The following FANCI variants were observed in gnomAD, a reference collection of about 807,000 sequenced individuals.
FANCI encodes the protein FA complementation group I, also known as Fanconi anemia group I protein.
Under a neutral mutation model 176.1 loss-of-function variants are expected in FANCI, and 156 were observed. That is an observed-to-expected ratio of 0.89 (90% CI 0.78 to 1.01). The LOEUF is 1.01. Among genes scored for constraint, FANCI ranks in the 50% least tolerant of loss-of-function variants. The pLI is 0.00. For missense variants in FANCI, 1,678 were observed against 1,534.1 expected, an observed-to-expected ratio of 1.09 and a Z score of -1.57; for synonymous variants, 613 against 541.7, an observed-to-expected ratio of 1.13 and a Z score of -1.83.
intron 20 of FANCI, among the ~76,000 whole-genome samples, chr15:89,292,152 C>G (rs1043080260): frequency 1.3e-5 from 2 of 152,162 alleles, no homozygotes; most frequent in African/African-American, 4.8e-5. Context: ...CTGTTCTTAT[C>G]TAGCCTCAGA....
At chr15:89,282,345 A>G (rs1452197354) in intron 16 of FANCI, 1 of 167,994 alleles carries the variant, frequency 6.0e-6, no homozygotes, top group African/African-American at 2.4e-5. Flanking sequence ...AGGCTAGTAG[A>G]TCAAATTAAT....
chr15:89,272,071 G>A lies in FANCI; in HGVS notation c.883-1306G>A, dbSNP rs767060176. 6.2e-4 allele frequency among the ~76,000 whole-genome samples: 94 copies of A among 152,246 alleles called. 1 individual carries two copies. The highest frequency in any genetic ancestry group is 1.6e-4 in the Non-Finnish European group (11 of 68,022). On this transcript the variant is annotated intron_variant, in intron 10 of 37. Coordinates refer to ENST00000310775, the MANE Select transcript of FANCI (RefSeq NM_001113378.2). ...CATTTTACATTCCCACTATCACTAT[G>A]TGAGGGTTCCTATTTCTCTGTGTCT...
rs1420138585 is a variant in FANCI, at chr15:89,299,983, C to G, written c.2803+17C>G. The G allele has an allele frequency of 6.2e-7, 1 of 1,613,358 alleles. No homozygotes were observed. Among genetic ancestry groups the G allele is most frequent in the Non-Finnish European group, 8.5e-7 (1 of 1,179,602 alleles). ...GAGCTCTGGGTAAGCATTGCAGTAT[C>G]AATAAATAGGCTTGATTTAGGTTTC... On this transcript the variant is annotated intron_variant, in intron 25 of 37. Coordinates refer to ENST00000310775, the MANE Select transcript of FANCI (RefSeq NM_001113378.2).
intron 34 of FANCI, among the ~76,000 whole-genome samples, chr15:89,312,675 C>G (rs2055012567): frequency 6.6e-6 from 1 of 152,078 alleles, no homozygotes; most frequent in Non-Finnish European, 1.5e-5. Flanking sequence ...CAAAAATTAG[C>G]TGAGTGTGGT....
At chr15:89,274,380 C>G (rs2053322295) in intron 12 of FANCI, 76 bp downstream of exon 12, 2 of 1,545,340 alleles carry the variant, frequency 1.3e-6, no homozygotes, top group Admixed American at 1.7e-5. Context: ...ATCATACTTG[C>G]AGCCTGTGAG....
At position 89,293,931 on chromosome 15, in the gene FANCI, C is replaced by G; in HGVS notation, c.2390C>G (p.Ala797Gly). The G allele has an allele frequency of 6.2e-7, 1 of 1,614,048 alleles. No homozygotes were observed. Among genetic ancestry groups the G allele is most frequent in the Non-Finnish European group, 8.5e-7 (1 of 1,179,988 alleles). ...EKAGKAKTKM[A>G]NKTSDSLLSM... ...GCGGGTAAAGCCAAAACTAAAATGG[C>G]CAACAAGACAAGTGATAGTCTTTTG... Residue 797 changes from alanine (A) to glycine (G), a missense_variant, in exon 23 of 38, where the codon GCC (alanine) becomes GGC (glycine). Physicochemically the swap from Ala to Gly is moderately conservative, Grantham distance 60. Around this residue, in one of 3 missense-constraint regions of FANCI, gnomAD observed 1,204 missense variants for 1,077.4 expected, o/e 1.12. Coordinates refer to ENST00000310775, the MANE Select transcript of FANCI (RefSeq NM_001113378.2).
At position 89,261,728 on chromosome 15, in the gene FANCI, G is replaced by A. The variant is rs1567143424; in HGVS notation, c.432G>A (p.Leu144=). ...CCCTGGCTACGAAAAAGGAAAATCT[G>A]GCTTATGGAAAAGGTAATTTTCTTC... ...LTALATKKEN[L]AYGKGVLSGE... Residue 144 remains leucine, a synonymous_variant, in exon 5 of 38, where the codon CTG becomes CTA. Transcript: ENST00000310775. 6.2e-7 allele frequency: 1 copy of A among 1,614,062 alleles called. No homozygotes were observed. The highest frequency in any genetic ancestry group is 8.5e-7 in the Non-Finnish European group (1 of 1,180,004).
intron 6 of FANCI, among the ~76,000 whole-genome samples, chr15:89,262,536 A>G (rs1429705224): frequency 1.3e-5 from 2 of 152,224 alleles, no homozygotes; most frequent in East Asian, 1.9e-4. Context: ...AGAGATTACT[A>G]TGTTATATAA....
In FANCI at chr15:89,312,936, G is replaced by A. The variant is rs2055028198; in HGVS notation, c.3684G>A (p.Glu1228=). The change falls in exon 35 of 38, where the codon GAG becomes GAA. Residue 1228 remains glutamate (E), a synonymous_variant. Coordinates refer to ENST00000310775, the MANE Select transcript of FANCI (RefSeq NM_001113378.2). The part of the protein sequence containing the change: ...NKSKSLNYTG[E]KKEKPAAVAT... ...GTAAGAGCCTGAACTATACGGGAGAGAAAAAGGAGAAACCTGCTGCCGTTG... is the reference window on the plus strand; with the variant it reads ...GTAAGAGCCTGAACTATACGGGAGAAAAAAAGGAGAAACCTGCTGCCGTTG... 1 of 1,613,804 alleles carries A rather than the reference G, an allele frequency of 6.2e-7. No homozygotes were observed. The highest frequency in any genetic ancestry group is 1.1e-5 in the South Asian group (1 of 91,076).
intron 10 of FANCI, among the ~76,000 whole-genome samples, chr15:89,272,628 G>T (rs1305549705): frequency 6.6e-6 from 1 of 151,862 alleles, no homozygotes; most frequent in Non-Finnish European, 1.5e-5. Flanking sequence ...CTTACATTTG[G>T]ATTTCTGATC....
At chr15:89,283,084 G>C in intron 16 of FANCI, 52 bp from the exon 17 acceptor site, 1 of 1,581,746 alleles carries the variant, frequency 6.3e-7, no homozygotes, top group Non-Finnish European at 8.7e-7. Flanking sequence ...TGACCCAGAA[G>C]CATATTCCTG....
In FANCI at chr15:89,278,742, C is replaced by G. The variant is rs1294189131; in HGVS notation, c.1349C>G (p.Thr450Ser). The G allele has an allele frequency of 6.2e-7, 1 of 1,613,622 alleles. No individual in the cohort carries two copies. Among genetic ancestry groups the G allele is most frequent in the Non-Finnish European group, 8.5e-7 (1 of 1,179,720 alleles). The change falls in exon 14 of 38, where the codon ACC becomes AGC. Residue 450 changes from threonine (T) to serine (S), a missense_variant. Physicochemically the swap from Thr to Ser is moderately conservative, Grantham distance 58. Coordinates refer to ENST00000310775, the MANE Select transcript of FANCI (RefSeq NM_001113378.2). The stretch of plus-strand genomic sequence containing the variant: ...GAGCAGGTCCTCAACAGGGTTGTTA[C>G]CAGAGCATCTTCTCCCATCAGTCAT... ...ILEQVLNRVV[T>S]RASSPISHFL...
rs1185922986 is a variant in FANCI at position 89,247,768 on chromosome 15, G to C, written c.84+37G>C. 6 of 1,576,256 alleles carry C rather than the reference G, an allele frequency of 3.8e-6. No individual in the cohort carries two copies. In the South Asian group the frequency reaches 6.6e-5, roughly 17 times the overall value. On this transcript the variant is annotated intron_variant, in intron 2 of 37. Coordinates refer to ENST00000310775, the MANE Select transcript of FANCI (RefSeq NM_001113378.2). ...GAAGCATGTTCTGCTAAAAGTAAAT[G>C]TCAGGCATGATGACACATTCAAAGG... is the stretch of plus-strand genomic sequence containing the variant.
At chr15:89,311,426 G>A (rs1446596894) in intron 34 of FANCI, among the ~76,000 whole-genome samples, 1 of 152,138 alleles carries the variant, frequency 6.6e-6, no homozygotes, top group African/African-American at 2.4e-5. Context: ...CTCAAAAAAA[G>A]ATGCTTCTCT....
chr15:89,244,056 G>A (rs2051831913), intron 1 of FANCI, 23 bp downstream of exon 1: 1 of 152,668 alleles, frequency 6.6e-6, no homozygotes, highest in African/African-American at 2.4e-5. Context: ...TGACTGCAGA[G>A]CGGCTCGCGA....
At chr15:89,256,223 A>C (rs1214738822) in intron 2 of FANCI, among the ~76,000 whole-genome samples, 2 of 152,216 alleles carry the variant, frequency 1.3e-5, no homozygotes, top group Non-Finnish European at 2.9e-5. Flanking sequence ...GTTTGATAGC[A>C]TCTCTTACCT....
Position 89,272,653 on chromosome 15 carries a change from T to C in FANCI, c.883-724T>C, listed in dbSNP as rs139842796. 2.7e-3 allele frequency among the ~76,000 whole-genome samples: 411 copies of C among 152,286 alleles called. 8 individuals are homozygous for C. The highest frequency in any genetic ancestry group is 0.015 in the East Asian group (77 of 5,174). On this transcript the variant is annotated intron_variant, in intron 10 of 37. Transcript: ENST00000310775. ...GATTTCTGATCCATTCAAGGACCTA[T>C]TTTTATTTTTTATTACTATTAAAAA...
chr15:89,294,129 TA>T, intron 23 of FANCI, 132 bp downstream of exon 23: 2 of 1,060,856 alleles, frequency 1.9e-6, no homozygotes, highest in Non-Finnish European at 2.8e-6. Flanking sequence ...TTTCTTGAAA[TA>T]AAAGCTGGAC....
intron 12 of FANCI, among the ~76,000 whole-genome samples, chr15:89,274,991 G>C (rs1439913952): frequency 6.6e-6 from 1 of 151,550 alleles, no homozygotes; most frequent in African/African-American, 2.4e-5. Context: ...TTATAGCACG[G>C]TAAAGCCTCA....
Sources: gnomAD v4.1 joint callset for allele counts (sites outside exome capture counted in the v4.1 genomes callset) on GRCh38, gnomAD v4.1.1 for gene constraint, gnomAD v4.1.1 regional missense constraint, MANE v1.5 for transcripts, NCBI Gene and HGNC (gene_info 2026-07-23, HGNC 2026-07-21) for gene names.